The following SNTB1 variants were observed in gnomAD, a reference collection of about 807,000 sequenced individuals.
The protein encoded by SNTB1 is beta-1-syntrophin.
A neutral mutation model predicts 48.9 loss-of-function variants in SNTB1; 36 were observed. That is an observed-to-expected ratio of 0.74 (90% CI 0.56 to 0.97). SNTB1 has a LOEUF of 0.97. SNTB1 is among the 50% of genes least tolerant of loss of function. The pLI, the probability that SNTB1 is intolerant of heterozygous loss-of-function variation, is 0.00. For synonymous variants in SNTB1, 299 were observed against 294.6 expected, an observed-to-expected ratio of 1.01 and a Z score of -0.15; for missense variants, 786 against 703.4, an observed-to-expected ratio of 1.12 and a Z score of -1.33.
chr8:120,621,579 T>C (rs920170173), intron 3 of SNTB1, among the ~76,000 whole-genome samples: 4 of 152,134 alleles, frequency 2.6e-5, no homozygotes, highest in Admixed American at 6.6e-5. Context: ...ATTAAAGTAA[T>C]GGCAAAAATC....
In SNTB1 at chr8:120,811,260, G is replaced by GTTAA; in HGVS notation, c.571+9_571+12dup. 6.3e-7 allele frequency: 1 copy of GTTAA among 1,581,890 alleles called. No homozygotes were observed. Among genetic ancestry groups the GTTAA allele is most frequent in the Non-Finnish European group, 8.5e-7 (1 of 1,170,500 alleles). ...GCGCGCCCGGCGCGGCCCGCGCGCT[G>GTTAA]TTAACCCCTTACCTTCCAGCAGCAC... On this transcript the variant is annotated intron_variant, in intron 1 of 6. Transcript: ENST00000517992.
chr8:120,718,922 C>A (rs114602853), intron 1 of SNTB1, among the ~76,000 whole-genome samples: 10 of 152,042 alleles, frequency 6.6e-5, no homozygotes, highest in Non-Finnish European at 8.8e-5. Flanking sequence ...AGGTTCAGAG[C>A]GACTGTGATA....
At chr8:120,597,437 G>A (rs1052292332) in intron 3 of SNTB1, among the ~76,000 whole-genome samples, 7 of 152,230 alleles carry the variant, frequency 4.6e-5, no homozygotes, top group African/African-American at 1.7e-4. Context: ...GGATGCGATG[G>A]ATTTTTATAA....
chr8:120,775,235 T>C (rs1333197951), intron 1 of SNTB1: 10 of 151,786 alleles, frequency 6.6e-5, no homozygotes, highest in Admixed American at 6.5e-4. Flanking sequence ...CTCGCTCTCT[T>C]TCTCATATAG....
At chr8:120,751,487 CAAG>C (rs1372558295) in intron 1 of SNTB1, among the ~76,000 whole-genome samples, 1 of 151,538 alleles carries the variant, frequency 6.6e-6, no homozygotes, top group Non-Finnish European at 1.5e-5. Context: ...TTTTTTTGTG[CAAG>C]AAATCTGTCC....
intron 4 of SNTB1, among the ~76,000 whole-genome samples, chr8:120,552,654 T>G (rs1815500266): frequency 6.6e-6 from 1 of 152,172 alleles, no homozygotes; most frequent in African/African-American, 2.4e-5. Flanking sequence ...AAGGAAGCTT[T>G]TAGAGCAGCA....
rs149878195 is a variant in SNTB1 at position 120,713,151 on chromosome 8, G to C, written c.572-19243C>G. 1.1e-4 allele frequency among the ~76,000 whole-genome samples: 16 copies of C among 152,264 alleles called. No homozygotes were observed. The East Asian group carries it at 3.1e-3, about 29-fold the overall frequency. On this transcript the variant is annotated intron_variant, in intron 1 of 6. Transcript: ENST00000517992. ...GTTCAGTTCTCTTTCAGCTGCATGA[G>C]AATGGACAACTCATTTCATCTTTCT...
At chr8:120,768,295 C>T (rs894049440) in intron 1 of SNTB1, among the ~76,000 whole-genome samples, 1 of 152,154 alleles carries the variant, frequency 6.6e-6, no homozygotes, top group Non-Finnish European at 1.5e-5. Context: ...CAGCCATGTG[C>T]GAGTACCCTA....
intron 2 of SNTB1, chr8:120,635,661 G>T: frequency 5.7e-6 from 1 of 176,900 alleles, no homozygotes. Flanking sequence ...TTCTGATTCT[G>T]GTTCTAGAAC....
chr8:120,575,571 T>A (rs767234419), intron 3 of SNTB1, among the ~76,000 whole-genome samples: 2 of 152,212 alleles, frequency 1.3e-5, no homozygotes, highest in Non-Finnish European at 2.9e-5. Flanking sequence ...ACTGGTACAG[T>A]AGCATTTTTT....
At chr8:120,770,973 T>G (rs1819616740) in intron 1 of SNTB1, among the ~76,000 whole-genome samples, 1 of 152,206 alleles carries the variant, frequency 6.6e-6, no homozygotes, top group South Asian at 2.1e-4. Context: ...GATCTCAGAA[T>G]ACTATAGCAA....
chr8:120,723,965 C>T (rs1392430807), intron 1 of SNTB1, among the ~76,000 whole-genome samples: 2 of 152,180 alleles, frequency 1.3e-5, no homozygotes, highest in Non-Finnish European at 2.9e-5. Flanking sequence ...GCTATTGAAG[C>T]AAAGACTGTG....
At chr8:120,564,563 G>GGTTT (rs1815717981) in intron 4 of SNTB1, among the ~76,000 whole-genome samples, 1 of 36,236 alleles carries the variant, frequency 2.8e-5, no homozygotes, top group Non-Finnish European at 6.2e-5. Flanking sequence ...CTATTATTCT[G>GGTTT]GTTTTTTTTT....
chr8:120,581,950 G>A (rs531952491), intron 3 of SNTB1, among the ~76,000 whole-genome samples: 2 of 152,094 alleles, frequency 1.3e-5, no homozygotes, highest in East Asian at 3.9e-4. Flanking sequence ...CAGGAGAATT[G>A]CTTGAACCCG....
chr8:120,756,131 C>G (rs917415443), intron 1 of SNTB1, among the ~76,000 whole-genome samples: 4 of 152,188 alleles, frequency 2.6e-5, no homozygotes, highest in Admixed American at 1.3e-4. Context: ...GCATATCCAA[C>G]ATAGTCAATC....
At chr8:120,793,286 A>G (rs1361339592) in intron 1 of SNTB1, among the ~76,000 whole-genome samples, 1 of 152,036 alleles carries the variant, frequency 6.6e-6, no homozygotes, top group Non-Finnish European at 1.5e-5. Flanking sequence ...TTGCACCCTA[A>G]GAAGAGAGTG....
intron 1 of SNTB1, chr8:120,775,553 A>G (rs1364823146): frequency 6.6e-6 from 1 of 152,154 alleles, no homozygotes; most frequent in Non-Finnish European, 1.5e-5. Context: ...GATGCACTCA[A>G]TTTAAAAGAC....
intron 1 of SNTB1, among the ~76,000 whole-genome samples, chr8:120,749,765 G>T (rs554557313): frequency 5.8e-4 from 88 of 152,178 alleles, no homozygotes; most frequent in Middle Eastern, 6.8e-3. Context: ...CAATATGTGG[G>T]TTGGCTTGAA....
At chr8:120,608,942 G>A (rs1816570842) in intron 3 of SNTB1, among the ~76,000 whole-genome samples, 1 of 152,192 alleles carries the variant, frequency 6.6e-6, no homozygotes, top group Non-Finnish European at 1.5e-5. Flanking sequence ...CTACCTTGGG[G>A]AGTGTAAAAT....
Sources: gnomAD v4.1 joint callset for allele counts (sites outside exome capture counted in the v4.1 genomes callset) on GRCh38, gnomAD v4.1.1 for gene constraint, MANE v1.5 for transcripts, NCBI Gene and HGNC (gene_info 2026-07-23, HGNC 2026-07-21) for gene names.